Variants in HSPA4 observed in about 807,000 individuals in gnomAD.
HSPA4 encodes heat shock 70 kDa protein 4.
In HSPA4, 25 loss-of-function variants were observed where a neutral mutation model predicts 106.2. That is an observed-to-expected ratio of 0.24 (90% CI 0.17 to 0.33). The LOEUF (loss-of-function observed/expected upper bound fraction) is 0.33. Ranked by LOEUF, HSPA4 falls within the 10% of genes least tolerant of loss-of-function variation. HSPA4 has a pLI of 1.00. For missense variants in HSPA4, 841 were observed against 996.0 expected, an observed-to-expected ratio of 0.84 and a Z score of 2.10; for synonymous variants, 332 against 333.6, an observed-to-expected ratio of 1.00 and a Z score of 0.05.
intron 9 of HSPA4, 99 bp from the exon 10 acceptor site, chr5:133,088,956 G>C (rs1397076206): frequency 1.7e-6 from 1 of 578,070 alleles, no homozygotes; most frequent in Admixed American, 3.2e-5. Context: ...ATTTTAAAAA[G>C]ACCATTGATT....
intron 7 of HSPA4, among the ~76,000 whole-genome samples, chr5:133,078,775 C>T (rs944791777): frequency 1.3e-5 from 2 of 151,986 alleles, no homozygotes; most frequent in Non-Finnish European, 2.9e-5. Flanking sequence ...ACTCTGTCAC[C>T]TAGGCTGGAG....
At chr5:133,073,090 C>CTA (rs1214108217) in intron 4 of HSPA4, 140 bp from the exon 5 acceptor site, 1 of 579,294 alleles carries the variant, frequency 1.7e-6, no homozygotes, top group African/African-American at 1.9e-5. Context: ...ACTAAATATT[C>CTA]TAACTTTTCC....
intron 6 of HSPA4, among the ~76,000 whole-genome samples, chr5:133,075,357 G>GT (rs1371195040): frequency 6.6e-6 from 1 of 152,156 alleles, no homozygotes; most frequent in Admixed American, 6.5e-5. Context: ...AGAACGATGT[G>GT]TATTAGTAGC....
chr5:133,067,775 G>C (rs549687339), intron 3 of HSPA4, among the ~76,000 whole-genome samples: 27 of 152,216 alleles, frequency 1.8e-4, no homozygotes, highest in African/African-American at 6.3e-4. Flanking sequence ...TGGAGACCTG[G>C]GTAGTGATGG....
At chr5:133,073,031 AGTATATG>A (rs1184320207) in intron 4 of HSPA4, among the ~76,000 whole-genome samples, 192 bp from the exon 5 acceptor site, 2 of 152,282 alleles carry the variant, frequency 1.3e-5, no homozygotes, top group Middle Eastern at 3.4e-3. Context: ...CCATGTAATG[AGTATATG>A]TAAGGTAATG....
At chr5:133,096,304 G>A in intron 14 of HSPA4, 54 bp downstream of exon 14, 3 of 1,505,358 alleles carry the variant, frequency 2.0e-6, no homozygotes, top group Non-Finnish European at 2.7e-6. Flanking sequence ...TGTTACCATA[G>A]TATTCAGACT....
chr5:133,064,797 A>C (rs1431390498), intron 1 of HSPA4, among the ~76,000 whole-genome samples, 183 bp from the exon 2 acceptor site: 1 of 152,198 alleles, frequency 6.6e-6, no homozygotes, highest in African/African-American at 2.4e-5. Context: ...TGTAAATGAC[A>C]GGACTCAGTT....
intron 4 of HSPA4, among the ~76,000 whole-genome samples, chr5:133,072,397 T>TTTTG (rs1246415278): frequency 1.5e-5 from 2 of 135,980 alleles, no homozygotes; most frequent in Non-Finnish European, 3.2e-5. Context: ...GGGTTGTTTT[T>TTTTG]TTTTTTTTTT....
In HSPA4 at chr5:133,099,787, A is replaced by C. The variant is rs894911069; in HGVS notation, c.2037+135A>C. ...GATGAACTAAAATAAACCCTTTATGACTTAGGCTCATTATCATTCTCACTT... is the reference window on the plus strand; with the variant it reads ...GATGAACTAAAATAAACCCTTTATGCCTTAGGCTCATTATCATTCTCACTT... On this transcript the variant is annotated intron_variant, in intron 16 of 18. Transcript: ENST00000304858. 10 of 463,540 alleles carry C rather than the reference A, an allele frequency of 2.2e-5. No individual in the cohort carries two copies. In the South Asian group the frequency reaches 4.8e-4, roughly 22 times the overall value. The allele number at this position is 463,540 out of a possible 1,614,324, so 28.7% of individuals were successfully genotyped here.
intron 4 of HSPA4, among the ~76,000 whole-genome samples, chr5:133,072,357 TAC>T: frequency 6.7e-6 from 1 of 149,524 alleles, no homozygotes; most frequent in African/African-American, 2.4e-5. Context: ...AAATGTCCTC[TAC>T]CACAGGAGTT....
Position 133,106,115 on chromosome 5 carries a change from T to A in HSPA4, c.*1679T>A, listed in dbSNP as rs1281874502. 1 of 54,936 alleles carries A rather than the reference T, an allele frequency of 1.8e-5. No individual in the cohort carries two copies. The highest frequency in any genetic ancestry group is 1.5e-4 in the Admixed American group (1 of 6,856). The allele number at this position is 54,936 out of a possible 1,614,324, so 3.4% of individuals were successfully genotyped here. A position where few individuals can be genotyped will look rare whatever the true frequency, so the allele number is the denominator to read the frequency against. On this transcript the variant is annotated 3_prime_UTR_variant, in exon 19 of 19. Transcript: ENST00000304858. ...AAAAAAAAAAAAATTTTTTTTTTTT[T>A]TTTTTTTTTTTTTTTTTTTTTTTTT...
At chr5:133,059,608 C>T (rs1332569518) in intron 1 of HSPA4, among the ~76,000 whole-genome samples, 5 of 152,046 alleles carry the variant, frequency 3.3e-5, no homozygotes, top group African/African-American at 1.2e-4. Flanking sequence ...GTGAGAGACC[C>T]TGTCTCAAAA....
intron 6 of HSPA4, 26 bp from the exon 7 acceptor site, chr5:133,076,628 A>C (rs1211823921): frequency 6.3e-7 from 1 of 1,597,560 alleles, no homozygotes; most frequent in African/African-American, 1.3e-5. Flanking sequence ...GTTAATTGTT[A>C]GATTAATTCT....
Position 133,106,118 on chromosome 5 carries a change from T to A in HSPA4, c.*1682T>A, listed in dbSNP as rs1251176512. 3 of 67,528 alleles carry A rather than the reference T, an allele frequency of 4.4e-5. No individual in the cohort carries two copies. The highest frequency in any genetic ancestry group is 8.0e-5 in the African/African-American group (1 of 12,482). The allele number at this position is 67,528 out of a possible 1,614,324, so 4.2% of individuals were successfully genotyped here. Reference sequence around the variant, plus strand: ...AAAAAAAAAATTTTTTTTTTTTTTTTTTTTTTTTTTTTTTTTTTTTTTGGT... The same window carrying A: ...AAAAAAAAAATTTTTTTTTTTTTTTATTTTTTTTTTTTTTTTTTTTTTGGT... On this transcript the variant is annotated 3_prime_UTR_variant, in exon 19 of 19. Transcript: ENST00000304858.
chr5:133,055,597 G>A (rs1400046894), intron 1 of HSPA4, among the ~76,000 whole-genome samples: 1 of 152,092 alleles, frequency 6.6e-6, no homozygotes, highest in Admixed American at 6.6e-5. Context: ...TGCCTCTGAT[G>A]TGGTAGCCAT....
intron 3 of HSPA4, among the ~76,000 whole-genome samples, chr5:133,069,317 T>C (rs1047034403): frequency 6.6e-6 from 1 of 152,108 alleles, no homozygotes; most frequent in Non-Finnish European, 1.5e-5. Flanking sequence ...TGGCACGATG[T>C]AGGTTTACTG....
At chr5:133,072,343 G>A (rs938855536) in intron 4 of HSPA4, among the ~76,000 whole-genome samples, 2 of 151,208 alleles carry the variant, frequency 1.3e-5, no homozygotes, top group African/African-American at 4.9e-5. Flanking sequence ...TAACAATACG[G>A]GTGAAATGTC....
At position 133,106,070 on chromosome 5, in the gene HSPA4, C is replaced by T. The variant is rs557586518; in HGVS notation, c.*1634C>T. ...CCAACCCTTTACAACTGGCCCAGACCGTAATGGCCATTTCTTCTTAAAAAA... is the reference window on the plus strand; with the variant it reads ...CCAACCCTTTACAACTGGCCCAGACTGTAATGGCCATTTCTTCTTAAAAAA... On this transcript the variant is annotated 3_prime_UTR_variant, in exon 19 of 19. Coordinates refer to ENST00000304858, the MANE Select transcript of HSPA4 (RefSeq NM_002154.4). 12 of 140,546 alleles carry T rather than the reference C, an allele frequency of 8.5e-5. No individual in the cohort carries two copies. Among genetic ancestry groups the T allele is most frequent in the East Asian group, 8.3e-4 (4 of 4,822 alleles). The allele number at this position is 140,546 out of a possible 1,614,324, so 8.7% of individuals were successfully genotyped here. A position where few individuals can be genotyped will look rare whatever the true frequency, so the allele number is the denominator to read the frequency against.
intron 12 of HSPA4, 60 bp downstream of exon 12, chr5:133,091,434 A>G: frequency 7.4e-7 from 1 of 1,357,984 alleles, no homozygotes; most frequent in Non-Finnish European, 1.0e-6. Context: ...TAGAAATTGT[A>G]GCAAGCAGAC....
Sources: allele counts gnomAD v4.1 joint callset (sites outside exome capture counted in the v4.1 genomes callset), GRCh38; gene constraint gnomAD v4.1.1; transcripts MANE v1.5; gene names NCBI Gene and HGNC (gene_info 2026-07-23, HGNC 2026-07-21).